Variants in HMBOX1 observed in about 807,000 individuals in gnomAD.
HMBOX1 encodes homeobox containing 1.
Under a neutral mutation model 54.5 loss-of-function variants are expected in HMBOX1, and 14 were observed. The observed-to-expected ratio is 0.26, with a 90% CI of 0.17 to 0.40. The LOEUF (loss-of-function observed/expected upper bound fraction) is 0.40. Among genes scored for constraint, HMBOX1 ranks in the 10% least tolerant of loss-of-function variants. The pLI is 1.00. For missense variants in HMBOX1, 332 were observed against 514.4 expected (o/e 0.65, Z 3.43); for synonymous variants, 160 against 181.0 (o/e 0.88, Z 0.93).
chr8:28,920,042 C>T lies in HMBOX1; in HGVS notation c.-58+29364C>T, dbSNP rs1383397572. 4.0e-5 allele frequency among the ~76,000 whole-genome samples: 6 copies of T among 151,866 alleles called. No individual in the cohort carries two copies. The South Asian group carries it at 8.3e-4, about 21-fold the overall frequency. On this transcript the variant is annotated intron_variant, in intron 1 of 9. Coordinates refer to ENST00000287701, the MANE Select transcript of HMBOX1 (RefSeq NM_001135726.3). ...ACCTAGAGATGTATTGCACACAGGG[C>T]TGGCTTATGAATAAACAAGAACATT...
chr8:28,916,710 C>T (rs547142139), intron 1 of HMBOX1, among the ~76,000 whole-genome samples: 8 of 151,934 alleles, frequency 5.3e-5, no homozygotes, highest in East Asian at 3.9e-4. Context: ...ATCTTCATTA[C>T]GGTATTGTAA....
At chr8:29,044,946 C>T (rs1805360226) in intron 6 of HMBOX1, among the ~76,000 whole-genome samples, 1 of 152,134 alleles carries the variant, frequency 6.6e-6, no homozygotes. Flanking sequence ...CCTATTGTTA[C>T]CAGTGCCTAA....
intron 5 of HMBOX1, among the ~76,000 whole-genome samples, chr8:29,011,007 A>G (rs1224379245): frequency 2.0e-5 from 3 of 152,266 alleles, no homozygotes; most frequent in East Asian, 1.9e-4. Context: ...ATCTGAAGTC[A>G]GGATTCATGC....
chr8:28,986,506 T>C (rs1206900672), intron 4 of HMBOX1, among the ~76,000 whole-genome samples: 1 of 152,232 alleles, frequency 6.6e-6, no homozygotes, highest in African/African-American at 2.4e-5. Flanking sequence ...TCCTACCTAA[T>C]GGATTTTACC....
In HMBOX1 at chr8:29,051,287, G is replaced by A. The variant is rs1806400970; in HGVS notation, c.*132G>A. ...TATGTCAGGTAGCTGTTAGGGTCTT[G>A]TTCTGTGAAGATGGCATGGTGCCCT... On this transcript the variant is annotated 3_prime_UTR_variant, in exon 10 of 10. Transcript: ENST00000287701. 1.1e-6 allele frequency: 1 copy of A among 943,200 alleles called. No individual in the cohort carries two copies. The highest frequency in any genetic ancestry group is 1.6e-5 in the African/African-American group (1 of 61,144). 58.4% of individuals were successfully genotyped at this position (943,200 alleles called of 1,614,324 possible).
intron 3 of HMBOX1, among the ~76,000 whole-genome samples, chr8:28,974,939 AT>A (rs1828121643): frequency 6.6e-6 from 1 of 152,210 alleles, no homozygotes; most frequent in Non-Finnish European, 1.5e-5. Flanking sequence ...AAAGCATATC[AT>A]TTTTAAAACA....
At chr8:28,910,913 G>C (rs947555352) in intron 1 of HMBOX1, among the ~76,000 whole-genome samples, 1 of 152,122 alleles carries the variant, frequency 6.6e-6, no homozygotes, top group Non-Finnish European at 1.5e-5. Context: ...CTAATGAAAT[G>C]AGAGAGCAGT....
intron 2 of HMBOX1, 115 bp from the exon 3 acceptor site, chr8:28,969,928 C>T: frequency 5.8e-6 from 4 of 693,856 alleles, no homozygotes; most frequent in East Asian, 2.6e-5. Context: ...GACATACCTT[C>T]ATTTTCAATA....
Position 28,970,662 on chromosome 8 carries a change from T to G in HMBOX1, c.500+143T>G. On this transcript the variant is annotated intron_variant, in intron 3 of 9. Coordinates refer to ENST00000287701, the MANE Select transcript of HMBOX1 (RefSeq NM_001135726.3). The surrounding 1 kb of genome is among the most constrained non-coding windows in gnomAD (Gnocchi z 4.3). ...AGAACTGTAACTTCCTCCTCCCACC[T>G]TTGGAGATGAAAGAAAGAAAGTTCA... is the stretch of plus-strand genomic sequence containing the variant. The G allele has an allele frequency of 1.8e-6, 1 of 557,760 alleles. No homozygotes were observed. Among genetic ancestry groups the G allele is most frequent in the Non-Finnish European group, 3.1e-6 (1 of 318,890 alleles). The allele number at this position is 557,760 out of a possible 1,614,324, so 34.6% of individuals were successfully genotyped here.
intron 5 of HMBOX1, among the ~76,000 whole-genome samples, chr8:29,011,097 C>T (rs552914873): frequency 5.3e-5 from 8 of 152,122 alleles, no homozygotes; most frequent in Admixed American, 2.0e-4. Context: ...TGAAATGCAT[C>T]GGAAAATAAA....
At chr8:28,923,245 C>G (rs751791706) in intron 1 of HMBOX1, among the ~76,000 whole-genome samples, 11 of 152,164 alleles carry the variant, frequency 7.2e-5, no homozygotes, top group Non-Finnish European at 1.2e-4. Flanking sequence ...TTTGCCTGTT[C>G]TGGACATTTC....
chr8:28,943,384 G>A (rs919255194), intron 1 of HMBOX1, among the ~76,000 whole-genome samples: 1 of 152,170 alleles, frequency 6.6e-6, no homozygotes, highest in Non-Finnish European at 1.5e-5. Context: ...TTGGGCTAGA[G>A]CAGTTTGTCG....
At chr8:28,999,363 T>C (rs1832305693) in intron 4 of HMBOX1, among the ~76,000 whole-genome samples, 1 of 152,226 alleles carries the variant, frequency 6.6e-6, no homozygotes, top group Admixed American at 6.5e-5. Context: ...TGTCTAGGTA[T>C]GGATTTCTTT....
Position 28,916,878 on chromosome 8 carries a change from G to A in HMBOX1, c.-58+26200G>A, listed in dbSNP as rs961909928. On this transcript the variant is annotated intron_variant, in intron 1 of 9. Coordinates refer to ENST00000287701, the MANE Select transcript of HMBOX1 (RefSeq NM_001135726.3). ...GAGCCCAGGAGTTCAAGACCAGCCT[G>A]GGCAATAGAGTGAGACTTTGTCTCT... is the stretch of plus-strand genomic sequence containing the variant. Among the ~76,000 whole-genome samples the A allele has an allele frequency of 2.6e-5, 4 of 151,908 alleles. No homozygotes were observed. In the South Asian group the frequency reaches 8.3e-4, roughly 32 times the overall value.
chr8:28,927,496 T>G (rs931248750), intron 1 of HMBOX1, among the ~76,000 whole-genome samples: 2 of 151,874 alleles, frequency 1.3e-5, no homozygotes, highest in Non-Finnish European at 2.9e-5. Flanking sequence ...AAAGCTAGCC[T>G]GAGTGCAGAG....
intron 6 of HMBOX1, among the ~76,000 whole-genome samples, chr8:29,033,483 G>A (rs1179726498): frequency 6.6e-6 from 1 of 152,164 alleles, no homozygotes; most frequent in Non-Finnish European, 1.5e-5. Context: ...GACAGGTAAA[G>A]TTATCCCAAT....
intron 6 of HMBOX1, among the ~76,000 whole-genome samples, chr8:29,021,990 G>GGGCA (rs1254560350): frequency 3.8e-5 from 2 of 52,400 alleles, no homozygotes; most frequent in Non-Finnish European, 6.6e-5. Context: ...TATATTGATT[G>GGGCA]GGCTGTAGAG....
At chr8:28,900,269 A>ATATATATATATATATAT (rs1422463025) in intron 1 of HMBOX1, among the ~76,000 whole-genome samples, 137 of 69,078 alleles carry the variant, frequency 2.0e-3, no homozygotes, top group Admixed American at 3.4e-3. Flanking sequence ...AAAAAAAAAA[A>ATATATATATATATATAT]AAATATATAT....
chr8:28,963,048 G>A (rs1352376874), intron 1 of HMBOX1, among the ~76,000 whole-genome samples: 2 of 152,110 alleles, frequency 1.3e-5, no homozygotes, highest in Non-Finnish European at 2.9e-5. Flanking sequence ...GTGATGGTGC[G>A]ATCTCGGTTC....
Sources: allele counts gnomAD v4.1 joint callset (sites outside exome capture counted in the v4.1 genomes callset), GRCh38; gene constraint gnomAD v4.1.1; non-coding constraint Gnocchi (gnomAD v3.1); transcripts MANE v1.5; gene names NCBI Gene and HGNC (gene_info 2026-07-23, HGNC 2026-07-21).